Variants in GPC6 observed in about 807,000 individuals in gnomAD.
GPC6 encodes glypican 6, also known as glypican-6.
GPC6 carries 14 observed loss-of-function variants against 55.2 expected under a neutral mutation model. The ratio of observed to expected loss-of-function variants is 0.25; its 90% CI spans 0.17 to 0.40. GPC6 has a LOEUF of 0.40. Ranked by LOEUF, GPC6 falls within the 10% of genes least tolerant of loss-of-function variation. GPC6 has a pLI of 1.00. For synonymous variants in GPC6, 278 were observed against 259.6 expected (o/e 1.07, Z -0.68); for missense variants, 641 against 708.5 (o/e 0.90, Z 1.08).
intron 3 of GPC6, among the ~76,000 whole-genome samples, chr13:93,982,949 T>A (rs999021883): frequency 2.0e-5 from 3 of 152,206 alleles, no homozygotes; most frequent in Non-Finnish European, 4.4e-5. Flanking sequence ...TAAAGAGATC[T>A]GTGTCAGCTC....
At chr13:93,353,411 A>C (rs540387167) in intron 1 of GPC6, among the ~76,000 whole-genome samples, 4 of 152,216 alleles carry the variant, frequency 2.6e-5, no homozygotes, top group Non-Finnish European at 5.9e-5. Flanking sequence ...TGTTTGTGGC[A>C]TAATAACTAG....
At chr13:93,261,964 ACACT>A (rs1405286897) in intron 1 of GPC6, among the ~76,000 whole-genome samples, 2 of 146,484 alleles carry the variant, frequency 1.4e-5, no homozygotes, top group African/African-American at 5.2e-5. Flanking sequence ...ACACACACAC[ACACT>A]TGCATATATT....
intron 1 of GPC6, among the ~76,000 whole-genome samples, chr13:93,324,585 T>TATATATATATACAC (rs1267566084): frequency 2.4e-4 from 23 of 97,840 alleles, no homozygotes; most frequent in African/African-American, 1.2e-3. Context: ...CACACATACA[T>TATATATATATACAC]ACATATATAT....
At chr13:93,232,635 G>A (rs1876099141) in intron 1 of GPC6, among the ~76,000 whole-genome samples, 1 of 152,114 alleles carries the variant, frequency 6.6e-6, no homozygotes, top group African/African-American at 2.4e-5. Context: ...ATAGGCCACT[G>A]TCAAAATTGA....
intron 4 of GPC6, among the ~76,000 whole-genome samples, chr13:94,113,798 A>T (rs1886331567): frequency 6.6e-6 from 1 of 151,868 alleles, no homozygotes; most frequent in Non-Finnish European, 1.5e-5. Context: ...AGGTGAGAGG[A>T]TCACTTGAAG....
chr13:93,700,661 T>C (rs1030002886), intron 2 of GPC6, among the ~76,000 whole-genome samples: 1 of 152,146 alleles, frequency 6.6e-6, no homozygotes, highest in African/African-American at 2.4e-5. Context: ...ATTGTCCTTG[T>C]AGTCTGCATA....
At chr13:93,222,150 T>C (rs1014517039), upstream of GPC6, among the ~76,000 whole-genome samples, 2 of 152,210 alleles carry the variant, frequency 1.3e-5, no homozygotes, top group African/African-American at 4.8e-5. Context: ...CTTTTTATTT[T>C]GTAAAACATG....
At chr13:93,598,321 T>C (rs1877858322) in intron 2 of GPC6, among the ~76,000 whole-genome samples, 1 of 152,178 alleles carries the variant, frequency 6.6e-6, no homozygotes, top group Non-Finnish European at 1.5e-5. Flanking sequence ...TATGAATACT[T>C]AGGATGTGTC....
chr13:93,249,846 A>G (rs2139026610), intron 1 of GPC6, among the ~76,000 whole-genome samples: 1 of 152,320 alleles, frequency 6.6e-6, no homozygotes, highest in African/African-American at 2.4e-5. Flanking sequence ...ACTCTGATGT[A>G]AAAGGCATAT....
intron 1 of GPC6, among the ~76,000 whole-genome samples, chr13:93,447,021 C>T (rs921323981): frequency 2.0e-5 from 3 of 152,028 alleles, no homozygotes; most frequent in African/African-American, 7.3e-5. Flanking sequence ...AGGCCAGTAA[C>T]CTGCCTTACA....
intron 4 of GPC6, among the ~76,000 whole-genome samples, chr13:94,048,920 C>T (rs1883833871): frequency 6.6e-6 from 1 of 152,034 alleles, no homozygotes; most frequent in South Asian, 2.1e-4. Context: ...TTCATGTTCT[C>T]TGCTCCCCTT....
chr13:93,955,499 A>G (rs1286752329), intron 3 of GPC6, among the ~76,000 whole-genome samples: 2 of 152,138 alleles, frequency 1.3e-5, no homozygotes, highest in South Asian at 4.2e-4. Context: ...GAGTGTGCCC[A>G]GAAGACCACC....
chr13:93,913,198 T>C (rs991725696), intron 3 of GPC6, among the ~76,000 whole-genome samples: 1 of 152,198 alleles, frequency 6.6e-6, no homozygotes, highest in Admixed American at 6.5e-5. Context: ...TAAGAATCTC[T>C]TTTTACATGT....
intron 4 of GPC6, among the ~76,000 whole-genome samples, chr13:94,099,556 T>C (rs1437883561): frequency 6.6e-6 from 1 of 152,202 alleles, no homozygotes; most frequent in Non-Finnish European, 1.5e-5. Context: ...TTTCTTCTCA[T>C]CTACTGCTGC....
At chr13:93,371,947 T>C (rs935055003) in intron 1 of GPC6, among the ~76,000 whole-genome samples, 1 of 152,162 alleles carries the variant, frequency 6.6e-6, no homozygotes, top group Non-Finnish European at 1.5e-5. Context: ...CATTGTCCCA[T>C]TAGCCAATTT....
chr13:94,226,015 G>A lies in GPC6; in HGVS notation c.878-60334G>A, dbSNP rs527727537. On this transcript the variant is annotated intron_variant, in intron 4 of 8. Transcript: ENST00000377047. ...TATATTCAGATTTCCCATGGGTGAC[G>A]GTTCCCTCTCCACAGCCCTCCTGCT... 1.7e-4 allele frequency among the ~76,000 whole-genome samples: 26 copies of A among 152,102 alleles called. No homozygotes were observed. In the East Asian group the frequency reaches 2.3e-3, roughly 14 times the overall value.
intron 1 of GPC6, among the ~76,000 whole-genome samples, chr13:93,238,911 G>C (rs1876333957): frequency 1.3e-5 from 2 of 152,172 alleles, no homozygotes; most frequent in South Asian, 4.2e-4. Flanking sequence ...TGCATATGTT[G>C]AACCATCCTT....
chr13:93,397,439 T>C (rs1875901418), intron 1 of GPC6, among the ~76,000 whole-genome samples: 2 of 152,188 alleles, frequency 1.3e-5, no homozygotes, highest in African/African-American at 4.8e-5. Flanking sequence ...TGAGTCACCA[T>C]TTGGATATCT....
At chr13:93,453,199 T>A (rs1286501375) in intron 1 of GPC6, among the ~76,000 whole-genome samples, 1 of 152,230 alleles carries the variant, frequency 6.6e-6, no homozygotes, top group East Asian at 1.9e-4. Context: ...CATTCCTGAA[T>A]TGCATTCTCT....
Sources: allele counts gnomAD v4.1 joint callset (sites outside exome capture counted in the v4.1 genomes callset), GRCh38; gene constraint gnomAD v4.1.1; transcripts MANE v1.5; gene names NCBI Gene and HGNC (gene_info 2026-07-23, HGNC 2026-07-21).